Variants in ULK4 observed in about 807,000 individuals in gnomAD.
The protein encoded by ULK4 is unc-51 like kinase 4.
A neutral mutation model predicts 160.6 loss-of-function variants in ULK4; 133 were observed. That is an observed-to-expected ratio of 0.83 (90% CI 0.72 to 0.96). The LOEUF is 0.96. Ranked by LOEUF, ULK4 falls within the 40% of genes least tolerant of loss-of-function variation. The pLI is 0.00. For synonymous variants in ULK4, 534 were observed against 539.8 expected, an observed-to-expected ratio of 0.99 and a Z score of 0.15; for missense variants, 1,580 against 1,499.5, an observed-to-expected ratio of 1.05 and a Z score of -0.89.
At chr3:41,559,098 T>C (rs183288972) in intron 32 of ULK4, among the ~76,000 whole-genome samples, 4 of 146,276 alleles carry the variant, frequency 2.7e-5, no homozygotes, top group African/African-American at 7.4e-5. Context: ...CATTGTTCAA[T>C]TCCCACCTAT....
At chr3:41,629,045 T>G (rs1463403031) in intron 30 of ULK4, among the ~76,000 whole-genome samples, 1 of 152,216 alleles carries the variant, frequency 6.6e-6, no homozygotes, top group Non-Finnish European at 1.5e-5. Flanking sequence ...GAATTTCATC[T>G]TTATAGTGTT....
rs937232812 is a variant in ULK4 at position 41,383,244 on chromosome 3, G to A, written c.3678+14835C>T. ...CTCCCGAGTAGCTAGGATTACAGGC[G>A]CCTGCCACTACACCTGGCTAATTTT... is the stretch of plus-strand genomic sequence containing the variant. On this transcript the variant is annotated intron_variant, in intron 35 of 36. Transcript: ENST00000301831. 1.2e-3 allele frequency among the ~76,000 whole-genome samples: 176 copies of A among 151,524 alleles called. 1 individual carries two copies. Among genetic ancestry groups the A allele is most frequent in the African/African-American group, 3.4e-3 (141 of 41,406 alleles).
intron 1 of ULK4, among the ~76,000 whole-genome samples, chr3:41,956,414 A>T (rs1398001483): frequency 1.3e-5 from 2 of 152,114 alleles, no homozygotes; most frequent in Non-Finnish European, 1.5e-5. Flanking sequence ...GTTTTCAATA[A>T]ATCCCTGCTT....
At position 41,681,627 on chromosome 3, in the gene ULK4, C is replaced by T. The variant is rs376288824; in HGVS notation, c.2859G>A (p.Arg953=). 224 of 1,613,704 alleles carry T rather than the reference C, an allele frequency of 1.4e-4. No individual in the cohort carries two copies. Among genetic ancestry groups the T allele is most frequent in the Admixed American group, 2.2e-4 (13 of 59,958 alleles). ...GTAGAGATGTGGTTTCTGAGAGCAA[C>T]CGCAAGCTAAAGAGTCTCCACTCCA... ...QNVEWRLFSL[R]LLSETTSLLV... Residue 953 remains arginine, a synonymous_variant, in exon 29 of 37, where the codon CGG becomes CGA. Coordinates refer to ENST00000301831, the MANE Select transcript of ULK4 (RefSeq NM_017886.4).
At chr3:41,655,202 C>G (rs1326393734) in intron 30 of ULK4, among the ~76,000 whole-genome samples, 1 of 151,574 alleles carries the variant, frequency 6.6e-6, no homozygotes, top group African/African-American at 2.4e-5. Context: ...GCAGCCATAA[C>G]AAGGATGAGT....
chr3:41,342,050 G>A (rs2080697023), intron 35 of ULK4, among the ~76,000 whole-genome samples: 1 of 152,180 alleles, frequency 6.6e-6, no homozygotes, highest in African/African-American at 2.4e-5. Flanking sequence ...TACAGTTTAT[G>A]ATAAGAACTG....
intron 22 of ULK4, among the ~76,000 whole-genome samples, chr3:41,747,405 C>T (rs1206977512): frequency 6.6e-6 from 1 of 151,876 alleles, no homozygotes; most frequent in Non-Finnish European, 1.5e-5. Context: ...ATGTCCCAGC[C>T]TCAATTTGTT....
chr3:41,496,678 T>C (rs2085003227), intron 32 of ULK4, among the ~76,000 whole-genome samples: 1 of 152,112 alleles, frequency 6.6e-6, no homozygotes, highest in Admixed American at 6.6e-5. Context: ...CCAGGAAGCA[T>C]GATCGAGAAC....
At chr3:41,722,528 G>A (rs1251044188) in intron 22 of ULK4, among the ~76,000 whole-genome samples, 1 of 152,144 alleles carries the variant, frequency 6.6e-6, no homozygotes, top group Admixed American at 6.5e-5. Flanking sequence ...CTACCCGGGA[G>A]GCTGAGGCAG....
At chr3:41,527,024 T>TA in intron 32 of ULK4, among the ~76,000 whole-genome samples, 1 of 152,252 alleles carries the variant, frequency 6.6e-6, no homozygotes, top group East Asian at 1.9e-4. Context: ...TATTATTTGT[T>TA]AGAGTCCATT....
At chr3:41,737,547 G>A (rs567104436) in intron 22 of ULK4, among the ~76,000 whole-genome samples, 10 of 151,978 alleles carry the variant, frequency 6.6e-5, no homozygotes, top group South Asian at 4.2e-4. Flanking sequence ...AAAAGAGCCC[G>A]CATTGCCAAG....
At chr3:41,829,580 G>C (rs568400674) in intron 18 of ULK4, among the ~76,000 whole-genome samples, 2,035 of 152,116 alleles carry the variant, frequency 0.013, 35 homozygotes, top group African/African-American at 0.045. Context: ...AAATGCAAAT[G>C]AAAACCACAA....
chr3:41,745,325 G>GTACAA (rs2038382829), intron 22 of ULK4, among the ~76,000 whole-genome samples: 1 of 151,166 alleles, frequency 6.6e-6, no homozygotes, highest in Admixed American at 6.6e-5. Context: ...AATGAAAAGG[G>GTACAA]ATATCACTAC....
At chr3:41,825,761 C>T (rs946907179) in intron 18 of ULK4, among the ~76,000 whole-genome samples, 3 of 151,952 alleles carry the variant, frequency 2.0e-5, no homozygotes, top group Non-Finnish European at 4.4e-5. Flanking sequence ...GAGAATTTCC[C>T]CAATCTAGCA....
chr3:41,778,070 T>C (rs1473281220), intron 21 of ULK4, among the ~76,000 whole-genome samples: 1 of 126,952 alleles, frequency 7.9e-6, no homozygotes, highest in Non-Finnish European at 1.6e-5. Flanking sequence ...ACATGATTGT[T>C]TATCTAGAAA....
Position 41,721,362 on chromosome 3 carries a change from ATTT to A in ULK4, c.2322-3504_2322-3502del, listed in dbSNP as rs1192444773. Reference sequence around the variant, plus strand: ...TATATATATATATATATATATATATATTTTTTTTTTTTTTTTTTTGAAACGGAA... The same window carrying A: ...TATATATATATATATATATATATATATTTTTTTTTTTTTTTTGAAACGGAA... On this transcript the variant is annotated intron_variant, in intron 22 of 36. Transcript: ENST00000301831. Among the ~76,000 whole-genome samples the A allele has an allele frequency of 5.0e-3, 139 of 27,904 alleles. 3 individuals carry two copies. Among genetic ancestry groups the A allele is most frequent in the Admixed American group, 6.0e-3 (9 of 1,502 alleles). 18.3% of individuals were successfully genotyped at this position (27,904 alleles called of 152,430 possible).
At chr3:41,602,391 T>G (rs1307607646) in intron 31 of ULK4, among the ~76,000 whole-genome samples, 33 of 95,296 alleles carry the variant, frequency 3.5e-4, no homozygotes, top group Non-Finnish European at 3.6e-4. Flanking sequence ...GGAAGGAGAA[T>G]TGGAAGGGGG....
chr3:41,881,284 TAAAAAAAAAA>T (rs58977381), intron 17 of ULK4, among the ~76,000 whole-genome samples: 88,853 of 126,490 alleles, frequency 0.7, 31,705 homozygotes, highest in East Asian at 0.81. Flanking sequence ...CAGAAACTTC[TAAAAAAAAAA>T]AAAAAAAAAA....
chr3:41,815,002 AGGTTCAAGC>A (rs1244940976), intron 19 of ULK4, among the ~76,000 whole-genome samples: 1 of 145,910 alleles, frequency 6.9e-6, no homozygotes, highest in Non-Finnish European at 1.5e-5. Flanking sequence ...TCTGCCTCCC[AGGTTCAAGC>A]GATTCTCCTG....
Sources: gnomAD v4.1 joint callset for allele counts (sites outside exome capture counted in the v4.1 genomes callset) on GRCh38, gnomAD v4.1.1 for gene constraint, MANE v1.5 for transcripts, NCBI Gene and HGNC (gene_info 2026-07-23, HGNC 2026-07-21) for gene names.